CNTN5: variants seen among roughly 807,000 people sequenced by gnomAD.
CNTN5 encodes contactin-5.
In CNTN5, 77 loss-of-function variants were observed where a neutral mutation model predicts 129.1. That is an observed-to-expected ratio of 0.60 (90% CI 0.50 to 0.72). The LOEUF (loss-of-function observed/expected upper bound fraction) is 0.72, where lower values mean the gene tolerates loss of function less well. Among genes scored for constraint, CNTN5 ranks in the 30% least tolerant of loss-of-function variants. The pLI is 0.00. For synonymous variants in CNTN5, 509 were observed against 465.6 expected (o/e 1.09, Z -1.20); for missense variants, 1,478 against 1,328.8 (o/e 1.11, Z -1.75).
At chr11:99,181,587 C>T (rs947692751) in intron 1 of CNTN5, among the ~76,000 whole-genome samples, 2 of 152,166 alleles carry the variant, frequency 1.3e-5, no homozygotes, top group African/African-American at 4.8e-5. Context: ...AACTCATTCT[C>T]AGCCTAAGAC....
At chr11:99,273,241 G>A (rs749667192) in intron 1 of CNTN5, among the ~76,000 whole-genome samples, 5 of 151,780 alleles carry the variant, frequency 3.3e-5, no homozygotes, top group Non-Finnish European at 5.9e-5. Context: ...TTGCCCATGT[G>A]ATTTTACTCT....
intron 1 of CNTN5, among the ~76,000 whole-genome samples, chr11:99,309,777 A>G (rs1363824394): frequency 6.6e-6 from 1 of 152,200 alleles, no homozygotes; most frequent in African/African-American, 2.4e-5. Flanking sequence ...CAGTTGTTTT[A>G]TATGATAATA....
chr11:99,323,344 G>T (rs1016181516), intron 1 of CNTN5, among the ~76,000 whole-genome samples: 2 of 152,072 alleles, frequency 1.3e-5, no homozygotes, highest in Non-Finnish European at 2.9e-5. Flanking sequence ...GTTTATTCCA[G>T]AGACAAAATG....
intron 2 of CNTN5, among the ~76,000 whole-genome samples, chr11:99,540,489 A>G (rs1336936826): frequency 3.3e-5 from 5 of 152,174 alleles, no homozygotes; most frequent in Non-Finnish European, 5.9e-5. Flanking sequence ...CATAATTGCT[A>G]TATTATTATA....
intron 3 of CNTN5, among the ~76,000 whole-genome samples, chr11:99,753,131 T>TTTTTC (rs1944290382): frequency 1.4e-5 from 2 of 144,070 alleles, no homozygotes; most frequent in South Asian, 4.7e-4. Flanking sequence ...TTTTTTTTTT[T>TTTTTC]TTTTTTTTTG....
rs117557515 is a variant in CNTN5 at position 99,576,266 on chromosome 11, T to C, written c.55+19997T>C. Among the ~76,000 whole-genome samples, 122 of 152,252 alleles carry C rather than the reference T, an allele frequency of 8.0e-4. 2 individuals carry two copies. The East Asian group carries it at 0.02, about 25-fold the overall frequency. Reference sequence around the variant, plus strand: ...ATGAGTCTTAATTGCCAAAACAAGCTTTGTTTTAATACCTTAAGGTATATG... The same window carrying C: ...ATGAGTCTTAATTGCCAAAACAAGCCTTGTTTTAATACCTTAAGGTATATG... On this transcript the variant is annotated intron_variant, in intron 3 of 24. Transcript: ENST00000524871.
chr11:99,563,877 G>A lies in CNTN5; in HGVS notation c.55+7608G>A, dbSNP rs189754314. ...CTGTTATATTTGCTAATATTTCATTGGACAAAGCAAATCCCATGAGCCAAG... is the reference window on the plus strand; with the variant it reads ...CTGTTATATTTGCTAATATTTCATTAGACAAAGCAAATCCCATGAGCCAAG... On this transcript the variant is annotated intron_variant, in intron 3 of 24. Transcript: ENST00000524871. Among the ~76,000 whole-genome samples the A allele has an allele frequency of 8.5e-5, 13 of 152,060 alleles. No homozygotes were observed. In the East Asian group the frequency reaches 2.3e-3, roughly 27 times the overall value.
At chr11:100,070,936 C>A (rs1253754495) in intron 11 of CNTN5, among the ~76,000 whole-genome samples, 1 of 151,596 alleles carries the variant, frequency 6.6e-6, no homozygotes, top group Non-Finnish European at 1.5e-5. Context: ...CTTTAGATAT[C>A]ACCTAAAATT....
chr11:99,057,344 CAT>C (rs1355840518), intron 1 of CNTN5, among the ~76,000 whole-genome samples: 1 of 151,982 alleles, frequency 6.6e-6, no homozygotes, highest in Non-Finnish European at 1.5e-5. Flanking sequence ...TGCTCACAAA[CAT>C]ATTAAAAGTT....
intron 1 of CNTN5, among the ~76,000 whole-genome samples, chr11:99,181,473 T>C (rs1161827720): frequency 1.3e-5 from 2 of 152,156 alleles, no homozygotes; most frequent in Non-Finnish European, 2.9e-5. Context: ...GCAGGGATGA[T>C]TCTCCAAGGT....
At chr11:99,316,165 T>A (rs1471613403) in intron 1 of CNTN5, among the ~76,000 whole-genome samples, 1 of 151,902 alleles carries the variant, frequency 6.6e-6, no homozygotes, top group Non-Finnish European at 1.5e-5. Context: ...GCCAAGGGCA[T>A]CATCCTGTAG....
chr11:99,223,113 G>T (rs1177846817), intron 1 of CNTN5, among the ~76,000 whole-genome samples: 1 of 152,050 alleles, frequency 6.6e-6, no homozygotes, highest in Non-Finnish European at 1.5e-5. Context: ...TGTAATTAGG[G>T]ACCAGACCTT....
chr11:99,043,358 G>A (rs956992375), intron 1 of CNTN5, among the ~76,000 whole-genome samples: 8 of 143,234 alleles, frequency 5.6e-5, no homozygotes, highest in Admixed American at 7.6e-5. Flanking sequence ...TGGGTGCAGC[G>A]CACCAGCATG....
Position 99,539,694 on chromosome 11 carries a change from T to A in CNTN5, c.-70-16451T>A, listed in dbSNP as rs560557604. 7.8e-4 allele frequency among the ~76,000 whole-genome samples: 118 copies of A among 152,246 alleles called. 1 individual carries two copies. Among genetic ancestry groups the A allele is most frequent in the African/African-American group, 2.8e-3 (117 of 41,564 alleles). ...ATGTCCAGCTGAGATTTAAAATTCATGTCTTCTCTTCCAAATCTCATGTTC... is the reference window on the plus strand; with the variant it reads ...ATGTCCAGCTGAGATTTAAAATTCAAGTCTTCTCTTCCAAATCTCATGTTC... On this transcript the variant is annotated intron_variant, in intron 2 of 24. Transcript: ENST00000524871.
rs147406139 is a variant in CNTN5, at chr11:99,266,378, C to T, written c.-209-58968C>T. ...CTTTGGAAAGCATAGGTGGGAGGAT[C>T]GCTTGAGGCCAAGAATTCAAGACCA... is the stretch of plus-strand genomic sequence containing the variant. On this transcript the variant is annotated intron_variant, in intron 1 of 24. Transcript: ENST00000524871. 6.8e-3 allele frequency among the ~76,000 whole-genome samples: 1,029 copies of T among 152,080 alleles called. 11 individuals are homozygous for T. Among genetic ancestry groups the T allele is most frequent in the African/African-American group, 0.023 (960 of 41,510 alleles).
At chr11:99,176,043 C>T (rs117786401) in intron 1 of CNTN5, among the ~76,000 whole-genome samples, 64 of 152,262 alleles carry the variant, frequency 4.2e-4, no homozygotes, top group South Asian at 8.3e-4. Context: ...TGTTTCTGGA[C>T]GGTTTATTTG....
intron 13 of CNTN5, among the ~76,000 whole-genome samples, chr11:100,168,286 C>T (rs1947708355): frequency 6.6e-6 from 1 of 151,924 alleles, no homozygotes; most frequent in Non-Finnish European, 1.5e-5. Context: ...GTAGACAAAA[C>T]AGCCTTATTT....
intron 3 of CNTN5, among the ~76,000 whole-genome samples, chr11:99,780,669 T>A (rs1268414292): frequency 6.6e-6 from 1 of 152,080 alleles, no homozygotes; most frequent in Non-Finnish European, 1.5e-5. Context: ...CATTTCACAG[T>A]ATGTTTACTT....
chr11:99,191,495 C>T (rs1858641091), intron 1 of CNTN5, among the ~76,000 whole-genome samples: 1 of 151,728 alleles, frequency 6.6e-6, no homozygotes, highest in Admixed American at 6.6e-5. Context: ...ATACACAGGG[C>T]ATACCATACA....
Sources: gnomAD v4.1 joint callset for allele counts (sites outside exome capture counted in the v4.1 genomes callset) on GRCh38, gnomAD v4.1.1 for gene constraint, MANE v1.5 for transcripts, NCBI Gene and HGNC (gene_info 2026-07-23, HGNC 2026-07-21) for gene names.